Variants in BCO1 observed in about 807,000 individuals in gnomAD.
BCO1 encodes the protein beta,beta-carotene 15,15'-dioxygenase.
BCO1 carries 54 observed loss-of-function variants against 56.3 expected under a neutral mutation model. The observed-to-expected ratio is 0.96, with a 90% confidence interval of 0.77 to 1.20. The LOEUF is 1.20. Among genes scored for constraint, BCO1 ranks in the 50% most tolerant of loss-of-function variants. The probability of loss-of-function intolerance (pLI) is 0.00; values close to 1 mark genes in which losing one functional copy is unlikely to be tolerated. For synonymous variants in BCO1, 318 were observed against 266.1 expected (o/e 1.20, Z -1.90); for missense variants, 801 against 690.9 (o/e 1.16, Z -1.79).
intron 2 of BCO1, among the ~76,000 whole-genome samples, chr16:81,252,726 G>A (rs1905886061): frequency 6.6e-6 from 1 of 152,302 alleles, no homozygotes; most frequent in Admixed American, 6.5e-5. Context: ...CTGAGGACCA[G>A]TGAGTATGTG....
intron 8 of BCO1, among the ~76,000 whole-genome samples, chr16:81,282,645 C>T (rs1457487741): frequency 1.3e-5 from 2 of 151,976 alleles, no homozygotes; most frequent in African/African-American, 4.8e-5. Context: ...CAACCCCCAA[C>T]CCCCATCCCT....
chr16:81,240,801 G>A (rs929314051), intron 1 of BCO1, among the ~76,000 whole-genome samples: 8 of 151,380 alleles, frequency 5.3e-5, no homozygotes, highest in East Asian at 1.9e-4. Flanking sequence ...AAATAATCGC[G>A]GTTTTTGCCA....
At chr16:81,285,071 C>G (rs548108578) in intron 8 of BCO1, among the ~76,000 whole-genome samples, 11 of 152,066 alleles carry the variant, frequency 7.2e-5, no homozygotes, top group Non-Finnish European at 1.0e-4. Context: ...AACTCCCGAA[C>G]TCAAGTGATC....
chr16:81,270,502 T>C (rs1044707378), intron 7 of BCO1, 86 bp downstream of exon 7: 1 of 1,564,496 alleles, frequency 6.4e-7, no homozygotes, highest in Non-Finnish European at 8.7e-7. Context: ...TTGATTGACA[T>C]TGAAATCCAA....
chr16:81,271,481 G>A (rs528577831), intron 7 of BCO1, among the ~76,000 whole-genome samples: 1 of 152,216 alleles, frequency 6.6e-6, no homozygotes, highest in East Asian at 1.9e-4. Flanking sequence ...CCACCACCAC[G>A]ATAAATTTTA....
Position 81,270,272 on chromosome 16 carries a change from C to G in BCO1, c.957C>G (p.Ile319Met). ...HVNAYEEDGC[I>M]VFDVIAYEDN... ...ACGCCTACGAAGAGGACGGCTGCAT[C>G]GTGTTTGACGTCATTGCCTACGAGG... The change falls in exon 7 of 11, where the codon ATC (isoleucine) becomes ATG (methionine). Residue 319 changes from isoleucine (I) to methionine (M), a missense_variant. Transcript: ENST00000258168. 1 of 1,614,188 alleles carries G rather than the reference C, an allele frequency of 6.2e-7. No homozygotes were observed. The highest frequency in any genetic ancestry group is 8.5e-7 in the Non-Finnish European group (1 of 1,180,034).
At chr16:81,249,615 G>A (rs1004973664) in intron 2 of BCO1, among the ~76,000 whole-genome samples, 7 of 151,782 alleles carry the variant, frequency 4.6e-5, no homozygotes, top group South Asian at 4.2e-4. Context: ...TGGCCAGGCC[G>A]GTCTCGAACT....
At position 81,257,367 on chromosome 16, in the gene BCO1, C is replaced by CA. The variant is rs1475708886; in HGVS notation, c.194-2307dup. ...GCAGCCTCTGCCTCTTGGGTTCAGGCAATTCTGTCTCCTCAGCCTCCTGAG... is the reference window on the plus strand; with the variant it reads ...GCAGCCTCTGCCTCTTGGGTTCAGGCAAATTCTGTCTCCTCAGCCTCCTGAG... On this transcript the variant is annotated intron_variant, in intron 2 of 10. Coordinates refer to ENST00000258168, the MANE Select transcript of BCO1 (RefSeq NM_017429.3). 2.6e-5 allele frequency among the ~76,000 whole-genome samples: 4 copies of CA among 152,126 alleles called. No homozygotes were observed. The East Asian group carries it at 5.9e-4, about 22-fold the overall frequency.
intron 8 of BCO1, among the ~76,000 whole-genome samples, chr16:81,285,250 T>C (rs1161671044): frequency 2.0e-5 from 3 of 152,270 alleles, no homozygotes; most frequent in Non-Finnish European, 4.4e-5. Context: ...ATTTTAATCA[T>C]GCAATTCTCT....
At chr16:81,245,249 T>C (rs1243305183) in intron 1 of BCO1, among the ~76,000 whole-genome samples, 1 of 152,174 alleles carries the variant, frequency 6.6e-6, no homozygotes, top group Non-Finnish European at 1.5e-5. Context: ...CTCTTAATGG[T>C]CAGTAGGCAG....
chr16:81,254,351 A>G (rs1381663688), intron 2 of BCO1, among the ~76,000 whole-genome samples: 2 of 120,936 alleles, frequency 1.7e-5, no homozygotes, highest in African/African-American at 3.3e-5. Flanking sequence ...GGGTTTCACC[A>G]TGTTGACCAG....
Position 81,245,615 on chromosome 16 carries a change from C to T in BCO1, c.193+12C>T. The T allele has an allele frequency of 6.2e-7, 1 of 1,614,114 alleles. No individual in the cohort carries two copies. The highest frequency in any genetic ancestry group is 8.5e-7 in the Non-Finnish European group (1 of 1,180,006). On this transcript the variant is annotated intron_variant, in intron 2 of 10. Coordinates refer to ENST00000258168, the MANE Select transcript of BCO1 (RefSeq NM_017429.3). ...CACCATCAGAGACGGTGAGAACACC[C>T]ACGAGTGTGCTGCCACTGCTGCAGC...
Position 81,290,719 on chromosome 16 carries a change from C to A in BCO1, c.*142C>A, listed in dbSNP as rs3803652. ...CTTTGACAAGGGCATGGCAAGAGAG[C>A]TTGTCAGTATCATTTCTTTCATTTT... On this transcript the variant is annotated 3_prime_UTR_variant, in exon 11 of 11. Transcript: ENST00000258168. 2,755 of 651,434 alleles carry A rather than the reference C, an allele frequency of 4.2e-3. 89 individuals carry two copies. The Admixed American group carries it at 0.063, about 15-fold the overall frequency. 40.4% of individuals were successfully genotyped at this position (651,434 alleles called of 1,614,324 possible).
chr16:81,271,638 C>A (rs1434065741), intron 7 of BCO1, among the ~76,000 whole-genome samples: 1 of 152,168 alleles, frequency 6.6e-6, no homozygotes, highest in Non-Finnish European at 1.5e-5. Flanking sequence ...TGGAGTCTTA[C>A]AATACGTGAT....
rs1199541366 is a variant in BCO1 at position 81,245,597 on chromosome 16, A to T, written c.187A>T (p.Arg63Ter). Residue 63 changes from arginine to a stop codon, truncating the protein, a stop_gained, in exon 2 of 11, where the codon AGA (arginine) becomes TGA (stop). Coordinates refer to ENST00000258168, the MANE Select transcript of BCO1 (RefSeq NM_017429.3). LOFTEE classifies it high-confidence loss of function. ...GLALLHSFTI[R>*]DGEVYYRSKY... ...TGCCCTGCTCCACAGCTTCACCATC[A>T]GAGACGGTGAGAACACCCACGAGTG... 1 of 1,614,190 alleles carries T rather than the reference A, an allele frequency of 6.2e-7. No individual in the cohort carries two copies. Among genetic ancestry groups the T allele is most frequent in the Admixed American group, 1.7e-5 (1 of 60,028 alleles).
At chr16:81,243,354 C>A (rs932297122) in intron 1 of BCO1, among the ~76,000 whole-genome samples, 1 of 152,096 alleles carries the variant, frequency 6.6e-6, no homozygotes, top group Non-Finnish European at 1.5e-5. Flanking sequence ...GACCTTTGTC[C>A]CCTGGCCCCC....
chr16:81,261,641 C>T (rs980873123), intron 3 of BCO1, among the ~76,000 whole-genome samples: 2 of 152,170 alleles, frequency 1.3e-5, no homozygotes, highest in African/African-American at 4.8e-5. Context: ...CATTTCTTAG[C>T]TAACTCAACG....
At chr16:81,287,236 C>G in intron 9 of BCO1, 59 bp from the exon 10 acceptor site, 1 of 1,255,370 alleles carries the variant, frequency 8.0e-7, no homozygotes, top group Non-Finnish European at 1.2e-6. Flanking sequence ...CTCCTATTTG[C>G]AGAGAATAGT....
intron 7 of BCO1, among the ~76,000 whole-genome samples, chr16:81,279,388 A>C (rs1010184456): frequency 6.6e-6 from 1 of 152,224 alleles, no homozygotes; most frequent in East Asian, 1.9e-4. Context: ...TATCTTCCAG[A>C]GCCTAACCCG....
Sources: allele counts gnomAD v4.1 joint callset (sites outside exome capture counted in the v4.1 genomes callset), GRCh38; gene constraint gnomAD v4.1.1; transcripts MANE v1.5; gene names NCBI Gene and HGNC (gene_info 2026-07-23, HGNC 2026-07-21).